The following ESRP1 variants were observed in gnomAD, a reference collection of about 807,000 sequenced individuals.
ESRP1 encodes RNA-binding motif protein 35A.
Under a neutral mutation model 81.7 loss-of-function variants are expected in ESRP1, and 33 were observed. That is an observed-to-expected ratio of 0.40 (90% confidence interval 0.31 to 0.54). The LOEUF is 0.54. ESRP1 is among the 20% of genes least tolerant of loss of function. The probability of loss-of-function intolerance (pLI) is 0.41; values close to 1 mark genes in which losing one functional copy is unlikely to be tolerated. For missense variants in ESRP1, 672 were observed against 833.1 expected, an observed-to-expected ratio of 0.81 and a Z score of 2.38; for synonymous variants, 320 against 303.3, an observed-to-expected ratio of 1.06 and a Z score of -0.57.
At chr8:94,667,027 A>AC (rs1586206554) in intron 9 of ESRP1, among the ~76,000 whole-genome samples, 3 of 151,264 alleles carry the variant, frequency 2.0e-5, no homozygotes. Context: ...ATATGGTGAA[A>AC]CCCCATCTCT....
chr8:94,641,586 AG>A, intron 1 of ESRP1, 136 bp downstream of exon 1: 1 of 1,266,188 alleles, frequency 7.9e-7, no homozygotes, highest in Non-Finnish European at 1.1e-6. Flanking sequence ...CCCGAGGCCT[AG>A]GGAAGCTAGA....
At chr8:94,658,991 C>T (rs1156240329) in intron 4 of ESRP1, among the ~76,000 whole-genome samples, 1 of 151,962 alleles carries the variant, frequency 6.6e-6, no homozygotes, top group Non-Finnish European at 1.5e-5. Flanking sequence ...GTGTACTTTT[C>T]GACCTCCCAG....
At chr8:94,679,110 C>T (rs751804244) in intron 13 of ESRP1, among the ~76,000 whole-genome samples, 45 of 152,328 alleles carry the variant, frequency 3.0e-4, no homozygotes, top group Non-Finnish European at 5.9e-4. Flanking sequence ...TTTTTCTTCC[C>T]TGTCCAATAC....
chr8:94,646,203 T>C lies in ESRP1; in HGVS notation c.411T>C (p.Phe137=). The change falls in exon 4 of 16, where the codon TTT becomes TTC. Residue 137 remains phenylalanine, a synonymous_variant. Transcript: ENST00000433389. ...VLLPECFYSF[F]DLRKEFKKCC... ...TACCTGAATGCTTCTATTCCTTTTT[T>C]GATCTTCGAAAAGAATTCAAGAAAT... The C allele has an allele frequency of 6.2e-7, 1 of 1,612,524 alleles. No individual in the cohort carries two copies. The highest frequency in any genetic ancestry group is 8.5e-7 in the Non-Finnish European group (1 of 1,178,980).
rs1810058234 is a variant in ESRP1, at chr8:94,705,971, ACTT to A, written c.*85_*87del. On this transcript the variant is annotated 3_prime_UTR_variant, in exon 16 of 16. Transcript: ENST00000433389. ...TCTTGAAACCTCCAGACACAAGAAA[ACTT>A]CTAGCAAATTCAGGGGAAGTTTGTC... The A allele has an allele frequency of 1.3e-6, 2 of 1,521,302 alleles. No individual in the cohort carries two copies. 94.2% of individuals were successfully genotyped at this position (1,521,302 alleles called of 1,614,324 possible).
At chr8:94,660,400 A>G (rs373589189) in intron 4 of ESRP1, among the ~76,000 whole-genome samples, 1 of 152,060 alleles carries the variant, frequency 6.6e-6, no homozygotes, top group African/African-American at 2.4e-5. Context: ...CCAGGAGTTC[A>G]AGACCAGCCT....
chr8:94,695,289 C>T (rs1809552504), intron 14 of ESRP1, among the ~76,000 whole-genome samples: 2 of 145,778 alleles, frequency 1.4e-5, no homozygotes, highest in Non-Finnish European at 3.0e-5. Flanking sequence ...ATAATAACTA[C>T]ATAACTAAGC....
chr8:94,667,862 A>T lies in ESRP1; in HGVS notation c.932-87A>T, dbSNP rs187207952. On this transcript the variant is annotated intron_variant, in intron 9 of 15. Transcript: ENST00000433389. ...TGGGTCTTCATTATGAACTCAAGAC[A>T]TTGGCAGGACTTTTATCACTTTAAA... is the stretch of plus-strand genomic sequence containing the variant. 7 of 1,152,360 alleles carry T rather than the reference A, an allele frequency of 6.1e-6. No homozygotes were observed. In the Admixed American group the frequency reaches 1.8e-4, roughly 30 times the overall value. The allele number at this position is 1,152,360 out of a possible 1,614,324, so 71.4% of individuals were successfully genotyped here.
chr8:94,692,316 T>C (rs1809434998), intron 13 of ESRP1, among the ~76,000 whole-genome samples: 1 of 152,158 alleles, frequency 6.6e-6, no homozygotes, highest in Admixed American at 6.5e-5. Context: ...ACGTGCCTCT[T>C]CATGCCTTAG....
At chr8:94,689,321 TTTTTC>T (rs562971021) in intron 13 of ESRP1, among the ~76,000 whole-genome samples, 706 of 67,574 alleles carry the variant, frequency 0.01, 4 homozygotes, top group Non-Finnish European at 0.021. Context: ...TAGATGATCT[TTTTTC>T]TTTTAACAAT....
chr8:94,673,364 G>A (rs1025059360), intron 11 of ESRP1, among the ~76,000 whole-genome samples: 1 of 152,146 alleles, frequency 6.6e-6, no homozygotes, highest in African/African-American at 2.4e-5. Context: ...AAACTCTTAG[G>A]TGCCTTGAGG....
intron 10 of ESRP1, chr8:94,668,512 T>G: frequency 3.6e-6 from 1 of 278,320 alleles, no homozygotes; most frequent in Middle Eastern, 1.1e-3. Flanking sequence ...CTATGAAAGC[T>G]TACCTATGTC....
At position 94,641,340 on chromosome 8, in the gene ESRP1, TTGG is replaced by T. The variant is rs756027861; in HGVS notation, c.28_30del (p.Val10del). The T allele has an allele frequency of 1.2e-6, 2 of 1,607,928 alleles. No homozygotes were observed. Among genetic ancestry groups the T allele is most frequent in the Non-Finnish European group, 8.5e-7 (1 of 1,176,424 alleles). On this transcript the variant is annotated inframe_deletion, in exon 1 of 16. Transcript: ENST00000433389. ...CGTCATGACGGCCTCTCCGGATTAC[TTGG>T]TGGTGCTTTTTGGGATCACTGCTGG...
At chr8:94,677,462 G>A (rs1808691571) in intron 12 of ESRP1, among the ~76,000 whole-genome samples, 5 of 152,206 alleles carry the variant, frequency 3.3e-5, no homozygotes, top group Admixed American at 3.3e-4. Flanking sequence ...TTGATAACCA[G>A]AAGACAATGC....
intron 14 of ESRP1, among the ~76,000 whole-genome samples, chr8:94,696,072 A>G (rs965594088): frequency 1.3e-5 from 2 of 152,196 alleles, no homozygotes; most frequent in Admixed American, 6.5e-5. Flanking sequence ...CAAAACAAAC[A>G]AACAAAAAAC....
At chr8:94,661,878 T>C (rs1039921762) in intron 4 of ESRP1, among the ~76,000 whole-genome samples, 1 of 152,214 alleles carries the variant, frequency 6.6e-6, no homozygotes, top group Non-Finnish European at 1.5e-5. Flanking sequence ...TAATACCTTG[T>C]AGTGTTGATA....
At chr8:94,656,654 A>G (rs1351387903) in intron 4 of ESRP1, among the ~76,000 whole-genome samples, 1 of 152,164 alleles carries the variant, frequency 6.6e-6, no homozygotes, top group Non-Finnish European at 1.5e-5. Context: ...GTTCATTAGC[A>G]TAGGTATTAT....
intron 4 of ESRP1, among the ~76,000 whole-genome samples, chr8:94,661,874 C>T (rs889651514): frequency 6.6e-6 from 1 of 152,130 alleles, no homozygotes; most frequent in Non-Finnish European, 1.5e-5. Flanking sequence ...CATTTAATAC[C>T]TTGTAGTGTT....
intron 11 of ESRP1, among the ~76,000 whole-genome samples, chr8:94,672,992 T>G (rs149488636): frequency 1.3e-5 from 2 of 152,342 alleles, no homozygotes; most frequent in Non-Finnish European, 2.9e-5. Flanking sequence ...TTCATAACTG[T>G]AATCTTGTCT....
Sources: allele counts gnomAD v4.1 joint callset (sites outside exome capture counted in the v4.1 genomes callset), GRCh38; gene constraint gnomAD v4.1.1; transcripts MANE v1.5; gene names NCBI Gene and HGNC (gene_info 2026-07-23, HGNC 2026-07-21).